The following PINX1 variants were observed in gnomAD, a reference collection of about 807,000 sequenced individuals.
PINX1 encodes the protein PIN2/TERF1-interacting telomerase inhibitor 1.
Under a neutral mutation model 25.4 loss-of-function variants are expected in PINX1, and 34 were observed. The observed-to-expected ratio is 1.34, with a 90% CI of 1.02 to 1.78. PINX1 has a LOEUF of 1.78. Among genes scored for constraint, PINX1 ranks in the 40% most tolerant of loss-of-function variants. The probability of loss-of-function intolerance (pLI) is 0.00; values close to 1 mark genes in which losing one functional copy is unlikely to be tolerated. For missense variants in PINX1, 592 were observed against 404.9 expected (o/e 1.46, Z -3.97); for synonymous variants, 197 against 147.7 (o/e 1.33, Z -2.42).
At chr8:10,791,912 G>A (rs1448378425) in intron 6 of PINX1, among the ~76,000 whole-genome samples, 1 of 152,172 alleles carries the variant, frequency 6.6e-6, no homozygotes, top group Non-Finnish European at 1.5e-5. Context: ...AGCTTTTGAA[G>A]GCCCTGAGAC....
chr8:10,765,326 G>A lies in PINX1; in HGVS notation c.*75C>T. ...GGCGCTCTGGGGTGAACTCTGCTGT[G>A]ACTTCAGGCCAGAGGTGTCTGCCCC... On this transcript the variant is annotated 3_prime_UTR_variant, in exon 7 of 7. Coordinates refer to ENST00000314787, the MANE Select transcript of PINX1 (RefSeq NM_017884.6). 1 of 1,381,636 alleles carries A rather than the reference G, an allele frequency of 7.2e-7. No homozygotes were observed. Among genetic ancestry groups the A allele is most frequent in the Non-Finnish European group, 9.6e-7 (1 of 1,037,448 alleles). The allele number at this position is 1,381,636 out of a possible 1,614,324, so 85.6% of individuals were successfully genotyped here.
intron 4 of PINX1, among the ~76,000 whole-genome samples, chr8:10,829,670 C>A (rs1798167026): frequency 6.6e-6 from 1 of 150,708 alleles, no homozygotes; most frequent in East Asian, 1.9e-4. Flanking sequence ...CTTATATGTT[C>A]ATGCTTACAT....
Position 10,809,515 on chromosome 8 carries a change from G to C in PINX1, c.471+10678C>G, listed in dbSNP as rs558062425. 3.3e-5 allele frequency among the ~76,000 whole-genome samples: 5 copies of C among 152,278 alleles called. No homozygotes were observed. The South Asian group carries it at 1.0e-3, about 32-fold the overall frequency. On this transcript the variant is annotated intron_variant, in intron 6 of 6. Coordinates refer to ENST00000314787, the MANE Select transcript of PINX1 (RefSeq NM_017884.6). The stretch of plus-strand genomic sequence containing the variant: ...ATTTTCCCTGCACTCTGAATTAGAA[G>C]AGGCTGTGAGTAACCCATCTCAAGC...
chr8:10,768,305 A>G lies in PINX1; in HGVS notation c.472-2389T>C, dbSNP rs144237347. On this transcript the variant is annotated intron_variant, in intron 6 of 6. Transcript: ENST00000314787. ...ACTCAGATCTGAGTCGAATCCTATG[A>G]CTCCTTACCTTGCTCATCTATTTAT... Among the ~76,000 whole-genome samples, 510 of 152,224 alleles carry G rather than the reference A, an allele frequency of 3.4e-3. 2 individuals carry two copies. The highest frequency in any genetic ancestry group is 0.01 in the Middle Eastern group (3 of 294).
At chr8:10,809,795 C>G (rs530852566) in intron 6 of PINX1, among the ~76,000 whole-genome samples, 4 of 152,370 alleles carry the variant, frequency 2.6e-5, no homozygotes, top group Non-Finnish European at 5.9e-5. Flanking sequence ...CATCACCATC[C>G]TCGTTCATCA....
rs1371050513 is a variant in PINX1 at position 10,790,719 on chromosome 8, G to A, written c.472-24803C>T. On this transcript the variant is annotated intron_variant, in intron 6 of 6. Coordinates refer to ENST00000314787, the MANE Select transcript of PINX1 (RefSeq NM_017884.6). ...CAGCGACCTCTACCTGCCTGCCTCAGTCTGGCCCCTCCTTGCCCTCTTCAT... is the reference window on the plus strand; with the variant it reads ...CAGCGACCTCTACCTGCCTGCCTCAATCTGGCCCCTCCTTGCCCTCTTCAT... 2.0e-5 allele frequency among the ~76,000 whole-genome samples: 3 copies of A among 152,294 alleles called. No individual in the cohort carries two copies. The East Asian group carries it at 5.8e-4, about 29-fold the overall frequency.
intron 6 of PINX1, among the ~76,000 whole-genome samples, chr8:10,815,343 T>C (rs1232833762): frequency 1.3e-5 from 2 of 152,228 alleles, no homozygotes; most frequent in African/African-American, 4.8e-5. Context: ...GCTTGGATTG[T>C]TGTTTCGCTT....
intron 5 of PINX1, among the ~76,000 whole-genome samples, chr8:10,820,874 T>C (rs935436167): frequency 6.6e-6 from 1 of 152,242 alleles, no homozygotes. Flanking sequence ...TTTACTGCTC[T>C]AGCTATATTG....
intron 6 of PINX1, among the ~76,000 whole-genome samples, chr8:10,812,736 G>A (rs998051827): frequency 6.6e-6 from 1 of 152,196 alleles, no homozygotes; most frequent in African/African-American, 2.4e-5. Flanking sequence ...GCACAGAGCC[G>A]TTCAAGCACA....
chr8:10,816,001 C>T (rs1418387000), intron 6 of PINX1, among the ~76,000 whole-genome samples: 2 of 152,278 alleles, frequency 1.3e-5, no homozygotes, highest in Non-Finnish European at 2.9e-5. Flanking sequence ...GGTCTGTACA[C>T]ACGATATTCC....
Position 10,832,885 on chromosome 8 carries a change from T to G in PINX1, c.222+7A>C. ...AAGACACCCAGGAGGCACACACTGC[T>G]GCTCACTTCATTATTGATGGTAGCT... On this transcript the variant is annotated splice_region_variant and intron_variant, in intron 3 of 6. Coordinates refer to ENST00000314787, the MANE Select transcript of PINX1 (RefSeq NM_017884.6). 1 of 1,575,706 alleles carries G rather than the reference T, an allele frequency of 6.3e-7. No individual in the cohort carries two copies. The highest frequency in any genetic ancestry group is 8.7e-7 in the Non-Finnish European group (1 of 1,146,124).
intron 6 of PINX1, among the ~76,000 whole-genome samples, chr8:10,808,236 A>G (rs1011252839): frequency 6.6e-6 from 1 of 152,230 alleles, no homozygotes; most frequent in Non-Finnish European, 1.5e-5. Flanking sequence ...CCAAAACAGA[A>G]GTCCACATTT....
intron 6 of PINX1, among the ~76,000 whole-genome samples, chr8:10,807,384 A>C (rs746195059): frequency 7.1e-6 from 1 of 141,844 alleles, no homozygotes; most frequent in Non-Finnish European, 1.5e-5. Context: ...CAAAAGAAAA[A>C]TCTGAGGAGG....
chr8:10,789,956 C>T (rs1026926644), intron 6 of PINX1, among the ~76,000 whole-genome samples: 2 of 152,078 alleles, frequency 1.3e-5, no homozygotes, highest in Admixed American at 6.5e-5. Context: ...AAACTCACAC[C>T]GAAAAAACCC....
At chr8:10,814,491 G>C (rs999317739) in intron 6 of PINX1, among the ~76,000 whole-genome samples, 1 of 152,226 alleles carries the variant, frequency 6.6e-6, no homozygotes, top group African/African-American at 2.4e-5. Context: ...AACTATTCTA[G>C]AGTGAAATGC....
chr8:10,839,395 C>T (rs1425696907), intron 1 of PINX1, among the ~76,000 whole-genome samples: 1 of 152,230 alleles, frequency 6.6e-6, no homozygotes, highest in East Asian at 1.9e-4. Flanking sequence ...AAGCTGAGGT[C>T]CGGGGTGGGT....
chr8:10,782,417 C>T (rs539918141), intron 6 of PINX1, among the ~76,000 whole-genome samples: 12 of 114,922 alleles, frequency 1.0e-4, no homozygotes, highest in East Asian at 2.2e-4. Flanking sequence ...TAAATATACT[C>T]GATAAAAAAA....
At chr8:10,768,089 C>T (rs1332499693) in intron 6 of PINX1, among the ~76,000 whole-genome samples, 6 of 133,126 alleles carry the variant, frequency 4.5e-5, no homozygotes, top group African/African-American at 1.1e-4. Context: ...GAGACAGGCT[C>T]GGTGACCAGA....
intron 1 of PINX1, 102 bp downstream of exon 1, chr8:10,839,636 G>T: frequency 8.2e-7 from 1 of 1,221,136 alleles, no homozygotes; most frequent in Non-Finnish European, 1.2e-6. Context: ...CATGCGCCAG[G>T]CGCGCCGGCA....
Sources: allele counts gnomAD v4.1 joint callset (sites outside exome capture counted in the v4.1 genomes callset), GRCh38; gene constraint gnomAD v4.1.1; transcripts MANE v1.5; gene names NCBI Gene and HGNC (gene_info 2026-07-23, HGNC 2026-07-21).